PTPRT: variants seen among roughly 807,000 people sequenced by gnomAD.
PTPRT encodes protein tyrosine phosphatase receptor type T.
A neutral mutation model predicts 176.8 loss-of-function variants in PTPRT; 56 were observed. That is an observed-to-expected ratio of 0.32 (90% CI 0.26 to 0.40). The LOEUF (loss-of-function observed/expected upper bound fraction) is 0.40, where lower values mean the gene tolerates loss of function less well. Ranked by LOEUF, PTPRT falls within the 10% of genes least tolerant of loss-of-function variation. The pLI, the probability that PTPRT is intolerant of heterozygous loss-of-function variation, is 1.00. For synonymous variants in PTPRT, 783 were observed against 739.0 expected, an observed-to-expected ratio of 1.06 and a Z score of -0.96; for missense variants, 1,540 against 1,908.2, an observed-to-expected ratio of 0.81 and a Z score of 3.60.
At chr20:42,317,357 C>CA (rs1437816897) in intron 11 of PTPRT, among the ~76,000 whole-genome samples, 1 of 152,146 alleles carries the variant, frequency 6.6e-6, no homozygotes, top group Non-Finnish European at 1.5e-5. Context: ...GAACATTTTT[C>CA]AATCTCTTTG....
intron 7 of PTPRT, among the ~76,000 whole-genome samples, chr20:42,518,667 T>C (rs1251649854): frequency 6.6e-6 from 1 of 152,100 alleles, no homozygotes; most frequent in Non-Finnish European, 1.5e-5. Context: ...ATTGTCTTTC[T>C]TCCTTTTGGC....
intron 7 of PTPRT, among the ~76,000 whole-genome samples, chr20:42,491,829 C>T (rs938097229): frequency 2.6e-5 from 4 of 152,158 alleles, no homozygotes; most frequent in African/African-American, 4.8e-5. Context: ...TTTATAGACA[C>T]ACCCTTTCTC....
At chr20:42,155,169 A>C (rs1384284940) in intron 17 of PTPRT, among the ~76,000 whole-genome samples, 2 of 152,240 alleles carry the variant, frequency 1.3e-5, no homozygotes, top group East Asian at 3.8e-4. Context: ...TCCCACCCCC[A>C]GTGAAACTGA....
In PTPRT at chr20:43,181,956, G is replaced by C. The variant is rs990863436; in HGVS notation, c.88+7690C>G. Among the ~76,000 whole-genome samples the C allele has an allele frequency of 9.9e-5, 15 of 152,152 alleles. 1 individual carries two copies. Among genetic ancestry groups the C allele is most frequent in the Non-Finnish European group, 1.3e-4 (9 of 68,028 alleles). On this transcript the variant is annotated intron_variant, in intron 1 of 30. Transcript: ENST00000373187. ...ATAGCCAAACTGATCACTTAAGGGG[G>C]ACACGCACAAAAGCATAATTACAGT...
chr20:43,047,681 A>T (rs1318879588), intron 1 of PTPRT, among the ~76,000 whole-genome samples: 1 of 142,262 alleles, frequency 7.0e-6, no homozygotes, highest in African/African-American at 2.6e-5. Flanking sequence ...CATGCTAATC[A>T]TACTAATGAT....
chr20:42,375,691 G>A (rs190309782), intron 9 of PTPRT, among the ~76,000 whole-genome samples: 33 of 152,084 alleles, frequency 2.2e-4, no homozygotes, highest in Admixed American at 1.4e-3. Context: ...CAAGTAAACC[G>A]ATAAATAAAT....
At chr20:42,338,349 A>G (rs181046533) in intron 11 of PTPRT, among the ~76,000 whole-genome samples, 258 of 152,278 alleles carry the variant, frequency 1.7e-3, no homozygotes, top group African/African-American at 6.0e-3. Context: ...CAGAGGAGCC[A>G]TTTGTGAGTT....
chr20:42,786,398 A>C (rs189388803), intron 3 of PTPRT, among the ~76,000 whole-genome samples: 1 of 152,332 alleles, frequency 6.6e-6, no homozygotes, highest in Non-Finnish European at 1.5e-5. Flanking sequence ...ACAACTAGGA[A>C]GAAGATTCTC....
chr20:42,657,358 G>A (rs1189043920), intron 7 of PTPRT, among the ~76,000 whole-genome samples: 1 of 152,116 alleles, frequency 6.6e-6, no homozygotes, highest in Non-Finnish European at 1.5e-5. Context: ...CTTCAGAGTT[G>A]GCTACTTTCT....
chr20:42,345,108 T>A (rs750178282), intron 11 of PTPRT, among the ~76,000 whole-genome samples: 15 of 152,140 alleles, frequency 9.9e-5, no homozygotes, highest in Non-Finnish European at 2.2e-4. Flanking sequence ...TTTCTTTTTC[T>A]GATTGTCTTT....
chr20:42,719,995 G>A (rs2076281795), intron 6 of PTPRT, among the ~76,000 whole-genome samples: 1 of 152,228 alleles, frequency 6.6e-6, no homozygotes, highest in South Asian at 2.1e-4. Context: ...ACCCCTAGGT[G>A]TGGGACAATC....
intron 11 of PTPRT, among the ~76,000 whole-genome samples, chr20:42,333,354 A>G (rs1362076042): frequency 6.6e-6 from 1 of 152,172 alleles, no homozygotes; most frequent in African/African-American, 2.4e-5. Flanking sequence ...TTTTTTTGAG[A>G]TGGAGTCTCG....
intron 1 of PTPRT, among the ~76,000 whole-genome samples, chr20:43,002,300 G>A (rs1008591041): frequency 1.3e-5 from 2 of 152,136 alleles, no homozygotes; most frequent in East Asian, 1.9e-4. Flanking sequence ...GTGTGAAAAC[G>A]AACTAATACA....
At chr20:42,059,944 G>A in the PTPRT span, among the ~76,000 whole-genome samples, 95 of 152,192 alleles carry the variant, frequency 6.2e-4, no homozygotes, top group African/African-American at 2.1e-3. Context: ...TGGAGCAGGG[G>A]GGAGTTGGAA....
chr20:42,689,104 A>T (rs2075749258), intron 6 of PTPRT, among the ~76,000 whole-genome samples: 2 of 152,172 alleles, frequency 1.3e-5, no homozygotes, highest in Non-Finnish European at 2.9e-5. Flanking sequence ...CTGAAGACCC[A>T]CAGAGCTAAG....
At chr20:42,920,859 C>A (rs1979102619) in intron 1 of PTPRT, among the ~76,000 whole-genome samples, 3 of 152,292 alleles carry the variant, frequency 2.0e-5, no homozygotes, top group African/African-American at 7.2e-5. Context: ...ACTGAGCAAT[C>A]ATTAAACTGG....
chr20:42,046,778 A>AGTGTGTGTGT, the PTPRT span, among the ~76,000 whole-genome samples: 60,306 of 150,658 alleles, frequency 0.4, 13,036 homozygotes, highest in Non-Finnish European at 0.5. Context: ...TTGTCATGTG[A>AGTGTGTGTGT]GTGTGTGTGT....
intron 7 of PTPRT, among the ~76,000 whole-genome samples, chr20:42,586,566 C>T (rs941793634): frequency 6.6e-6 from 1 of 152,162 alleles, no homozygotes; most frequent in Non-Finnish European, 1.5e-5. Context: ...AGGACTTCGA[C>T]CTCAACATGT....
chr20:42,440,994 C>T lies in PTPRT; in HGVS notation c.1560+7226G>A, dbSNP rs7275179. 4.9e-3 allele frequency among the ~76,000 whole-genome samples: 742 copies of T among 152,236 alleles called. 7 individuals are homozygous for T. Among genetic ancestry groups the T allele is most frequent in the African/African-American group, 0.017 (711 of 41,548 alleles). On this transcript the variant is annotated intron_variant, in intron 9 of 30. Coordinates refer to ENST00000373187, the MANE Select transcript of PTPRT (RefSeq NM_007050.6). ...GGAGCAATCTGCTTTACTCGAAGTC[C>T]GCCCATGTAAATGTCAATCTCATCC...
Sources: allele counts gnomAD v4.1 joint callset (sites outside exome capture counted in the v4.1 genomes callset), GRCh38; gene constraint gnomAD v4.1.1; transcripts MANE v1.5; gene names NCBI Gene and HGNC (gene_info 2026-07-23, HGNC 2026-07-21).